Variants in SLC8A1 observed in about 807,000 individuals in gnomAD.
SLC8A1 encodes the protein sodium/calcium exchanger 1.
A neutral mutation model predicts 68.3 loss-of-function variants in SLC8A1; 18 were observed. That is an observed-to-expected ratio of 0.26 (90% CI 0.18 to 0.39). The LOEUF is 0.39. SLC8A1 is among the 10% of genes least tolerant of loss of function. The pLI is 1.00. For synonymous variants in SLC8A1, 475 were observed against 415.5 expected (o/e 1.14, Z -1.74); for missense variants, 985 against 1,156.7 (o/e 0.85, Z 2.15).
At chr2:40,353,888 C>A (rs1671881487) in intron 2 of SLC8A1, among the ~76,000 whole-genome samples, 1 of 152,200 alleles carries the variant, frequency 6.6e-6, no homozygotes, top group Admixed American at 6.5e-5. Flanking sequence ...TTCCTCACTG[C>A]CCGGTCTGTC....
chr2:40,347,683 T>G (rs1669779323), intron 2 of SLC8A1, among the ~76,000 whole-genome samples: 1 of 152,234 alleles, frequency 6.6e-6, no homozygotes, highest in Admixed American at 6.5e-5. Flanking sequence ...ACTAACAATT[T>G]TAAAATAAAA....
intron 1 of SLC8A1, among the ~76,000 whole-genome samples, chr2:40,492,187 C>T (rs1447376701): frequency 6.6e-6 from 1 of 152,028 alleles, no homozygotes; most frequent in African/African-American, 2.4e-5. Context: ...AGAAATAACG[C>T]CACATATCTA....
chr2:40,277,794 G>GTGTATATATATA (rs907874659), intron 2 of SLC8A1, among the ~76,000 whole-genome samples: 46 of 108,020 alleles, frequency 4.3e-4, no homozygotes, highest in African/African-American at 1.3e-3. Context: ...ATATATGTGT[G>GTGTATATATATA]TATATATATA....
At chr2:40,429,701 C>T in exon 2 of SLC8A1, 1 of 1,613,854 alleles carries the variant, frequency 6.2e-7, no homozygotes, top group Non-Finnish European at 8.5e-7. Flanking sequence ...TTCCTTGTCT[C>T]TCCGTCAGGC....
At chr2:40,121,311 C>T (rs1212762048) in intron 7 of SLC8A1, among the ~76,000 whole-genome samples, 1 of 152,138 alleles carries the variant, frequency 6.6e-6, no homozygotes, top group Non-Finnish European at 1.5e-5. Flanking sequence ...AGATACTACT[C>T]GAAGTGCCCA....
chr2:40,115,295 G>T lies in SLC8A1; in HGVS notation c.2772C>A (p.Phe924Leu). 1.2e-6 allele frequency: 2 copies of T among 1,613,736 alleles called. No individual in the cohort carries two copies. The highest frequency in any genetic ancestry group is 2.2e-5 in the East Asian group (1 of 44,878). ...GGCAGTAGGCCTCCAGGGAGGAGAA[G>T]AAAATGTACAAGAGCCATAGGAGCA... The change falls in exon 8 of 8, where the codon TTC becomes TTA. Residue 924 changes from phenylalanine to leucine, a missense_variant. Physicochemically the swap from Phe to Leu is conservative, Grantham distance 22. Coordinates refer to ENST00000406785, the Ensembl canonical transcript of SLC8A1.
chr2:40,253,648 A>G (rs138236460), intron 2 of SLC8A1, among the ~76,000 whole-genome samples: 20,896 of 148,002 alleles, frequency 0.14, 1,778 homozygotes, highest in African/African-American at 0.23. Context: ...CAACATGGTG[A>G]AACCCTATCT....
At chr2:40,461,813 T>C (rs1211738678) in intron 1 of SLC8A1, among the ~76,000 whole-genome samples, 4 of 152,164 alleles carry the variant, frequency 2.6e-5, no homozygotes, top group Non-Finnish European at 5.9e-5. Context: ...TTGTTTGATT[T>C]TTCATGTGTA....
At chr2:40,405,152 T>G (rs1689936051) in intron 2 of SLC8A1, among the ~76,000 whole-genome samples, 1 of 152,164 alleles carries the variant, frequency 6.6e-6, no homozygotes, top group Non-Finnish European at 1.5e-5. Context: ...CAGGGGAACA[T>G]ACTTCTTAAT....
upstream of SLC8A1, among the ~76,000 whole-genome samples, chr2:40,452,902 A>C (rs1702729200): frequency 6.6e-6 from 1 of 152,066 alleles, no homozygotes; most frequent in Non-Finnish European, 1.5e-5. Flanking sequence ...TACAGTGAGG[A>C]GTAAAAGCCG....
intron 7 of SLC8A1, among the ~76,000 whole-genome samples, chr2:40,133,909 C>G (rs2039963622): frequency 6.6e-6 from 1 of 152,176 alleles, no homozygotes; most frequent in Non-Finnish European, 1.5e-5. Flanking sequence ...TGTCCAATGA[C>G]TAGGTGGCCC....
chr2:40,300,095 T>A (rs541950574), intron 2 of SLC8A1, among the ~76,000 whole-genome samples: 1 of 152,292 alleles, frequency 6.6e-6, no homozygotes, highest in Non-Finnish European at 1.5e-5. Context: ...GGCCACAGGA[T>A]CTTCTAAGTC....
At chr2:40,349,123 T>C (rs1256599897) in intron 2 of SLC8A1, among the ~76,000 whole-genome samples, 1 of 152,186 alleles carries the variant, frequency 6.6e-6, no homozygotes, top group East Asian at 1.9e-4. Context: ...GAAAGAATCC[T>C]TCATCTAAAT....
chr2:40,132,619 C>A (rs764927799), intron 7 of SLC8A1, among the ~76,000 whole-genome samples: 13 of 151,526 alleles, frequency 8.6e-5, no homozygotes, highest in Non-Finnish European at 1.9e-4. Flanking sequence ...TATTAGAAGC[C>A]AGAAAATTAA....
In SLC8A1 at chr2:40,177,546, G is replaced by A. The variant is rs1051825669; in HGVS notation, c.1912+206C>T. Among the ~76,000 whole-genome samples the A allele has an allele frequency of 4.6e-5, 7 of 152,306 alleles. 1 individual carries two copies. In the South Asian group the frequency reaches 1.2e-3, roughly 27 times the overall value. On this transcript the variant is annotated intron_variant, in intron 3 of 7. Transcript: ENST00000406785. Reference sequence around the variant, plus strand: ...TGTTATTAAATCTGGTTGCAATCAAGGTTAGTTGGCATTTCCTGAAGAAAG... The same window carrying A: ...TGTTATTAAATCTGGTTGCAATCAAAGTTAGTTGGCATTTCCTGAAGAAAG...
chr2:40,482,674 A>G (rs188618201), intron 1 of SLC8A1, among the ~76,000 whole-genome samples: 240 of 152,268 alleles, frequency 1.6e-3, no homozygotes, highest in African/African-American at 5.2e-3. Flanking sequence ...GCCTGTCTCC[A>G]GTCTTTGCTC....
chr2:40,320,984 T>C (rs897062547), intron 2 of SLC8A1, among the ~76,000 whole-genome samples: 1 of 151,948 alleles, frequency 6.6e-6, no homozygotes, highest in East Asian at 1.9e-4. Context: ...AGGCGGGGGA[T>C]TGTGTGTGAG....
upstream of SLC8A1, among the ~76,000 whole-genome samples, chr2:40,456,771 T>C (rs1367009357): frequency 6.6e-6 from 1 of 152,224 alleles, no homozygotes; most frequent in East Asian, 1.9e-4. Context: ...TCAATGTAAA[T>C]TTTAAAATTT....
chr2:40,351,743 G>C (rs1265690123), intron 2 of SLC8A1, among the ~76,000 whole-genome samples: 1 of 152,046 alleles, frequency 6.6e-6, no homozygotes, highest in Non-Finnish European at 1.5e-5. Context: ...GACAAAGACA[G>C]TAAAGAGCTC....
Sources: gnomAD v4.1 joint callset for allele counts (sites outside exome capture counted in the v4.1 genomes callset) on GRCh38, gnomAD v4.1.1 for gene constraint, MANE v1.5 for transcripts, NCBI Gene and HGNC (gene_info 2026-07-23, HGNC 2026-07-21) for gene names.